Variants in RBFOX1 observed in about 807,000 individuals in gnomAD.
The protein encoded by RBFOX1 is RNA binding fox-1 homolog 1, also known as RNA binding protein fox-1 homolog 1.
A neutral mutation model predicts 57.7 loss-of-function variants in RBFOX1; 8 were observed. The ratio of observed to expected loss-of-function variants is 0.14; its 90% CI spans 0.08 to 0.25. RBFOX1 has a LOEUF of 0.25. RBFOX1 is among the 10% of genes least tolerant of loss of function. The pLI, the probability that RBFOX1 is intolerant of heterozygous loss-of-function variation, is 1.00. For missense variants in RBFOX1, 611 were observed against 548.5 expected (o/e 1.11, Z -1.14); for synonymous variants, 326 against 222.4 (o/e 1.47, Z -4.15).
intron 1 of RBFOX1, among the ~76,000 whole-genome samples, chr16:6,243,199 T>C (rs1455180734): frequency 1.3e-5 from 2 of 151,994 alleles, no homozygotes; most frequent in African/African-American, 2.4e-5. Context: ...AGAAAGCTTT[T>C]TCATTTGAAA....
At chr16:7,031,750 C>T (rs749249596) in intron 3 of RBFOX1, among the ~76,000 whole-genome samples, 9 of 152,178 alleles carry the variant, frequency 5.9e-5, no homozygotes, top group Non-Finnish European at 1.3e-4. Context: ...TGCCCTCAAA[C>T]AACATCCCGT....
intron 2 of RBFOX1, among the ~76,000 whole-genome samples, chr16:6,472,797 G>C (rs992213846): frequency 6.6e-6 from 1 of 151,406 alleles, no homozygotes. Context: ...TGTTTTTTTT[G>C]TGTTTTTAGT....
chr16:6,352,120 C>T (rs2086514951), intron 2 of RBFOX1, among the ~76,000 whole-genome samples: 2 of 152,070 alleles, frequency 1.3e-5, no homozygotes, highest in East Asian at 1.9e-4. Context: ...GAGGTTTCTC[C>T]AGTCACTTTA....
chr16:6,620,766 T>C (rs1166429425), intron 2 of RBFOX1, among the ~76,000 whole-genome samples: 3 of 152,124 alleles, frequency 2.0e-5, no homozygotes, highest in African/African-American at 4.8e-5. Context: ...AATGGATAAA[T>C]TCCTGGACGC....
At chr16:6,313,619 A>T (rs2080672802) in intron 1 of RBFOX1, among the ~76,000 whole-genome samples, 1 of 152,142 alleles carries the variant, frequency 6.6e-6, no homozygotes, top group Non-Finnish European at 1.5e-5. Flanking sequence ...AAGGTAGCTA[A>T]TGCATGAACT....
At chr16:5,319,287 G>T (rs1284885738) in intron 1 of RBFOX1, among the ~76,000 whole-genome samples, 1 of 152,188 alleles carries the variant, frequency 6.6e-6, no homozygotes, top group Non-Finnish European at 1.5e-5. Flanking sequence ...GCTGAGAGTG[G>T]TCCCTGGCTG....
At chr16:6,595,042 C>G (rs62015537) in intron 2 of RBFOX1, among the ~76,000 whole-genome samples, 46,001 of 152,160 alleles carry the variant, frequency 0.3, 8,490 homozygotes, top group Non-Finnish European at 0.41. Flanking sequence ...CCGCCTCTGC[C>G]TCCCAAAGTG....
chr16:5,484,152 C>G (rs1041384891), intron 2 of RBFOX1, among the ~76,000 whole-genome samples: 1 of 152,212 alleles, frequency 6.6e-6, no homozygotes, highest in East Asian at 1.9e-4. Flanking sequence ...GCCTGGGAAA[C>G]AGAGCAAGAT....
At chr16:6,253,534 A>T (rs561042540) in intron 1 of RBFOX1, among the ~76,000 whole-genome samples, 138 of 152,126 alleles carry the variant, frequency 9.1e-4, no homozygotes, top group Non-Finnish European at 1.5e-3. Flanking sequence ...TACATTTTGC[A>T]CTTTTATAAC....
intron 1 of RBFOX1, among the ~76,000 whole-genome samples, chr16:6,229,351 A>G (rs2097441078): frequency 6.6e-6 from 1 of 152,224 alleles, no homozygotes; most frequent in Non-Finnish European, 1.5e-5. Flanking sequence ...TGCAGAAACT[A>G]GATCTCTCCT....
intron 3 of RBFOX1, among the ~76,000 whole-genome samples, chr16:5,630,508 T>C (rs2048473410): frequency 6.6e-6 from 1 of 152,042 alleles, no homozygotes; most frequent in Non-Finnish European, 1.5e-5. Flanking sequence ...AGACATCAGA[T>C]GTGCCCCACC....
intron 4 of RBFOX1, among the ~76,000 whole-genome samples, chr16:7,346,155 A>T (rs185156944): frequency 6.6e-6 from 1 of 151,986 alleles, no homozygotes; most frequent in African/African-American, 2.4e-5. Flanking sequence ...AAGGACATGA[A>T]CTCATCCTTT....
chr16:6,068,224 G>A (rs1359700999), intron 1 of RBFOX1, among the ~76,000 whole-genome samples: 2 of 152,180 alleles, frequency 1.3e-5, no homozygotes, highest in Non-Finnish European at 2.9e-5. Flanking sequence ...TCCAGTGCAA[G>A]CTCCCTGGCA....
intron 3 of RBFOX1, among the ~76,000 whole-genome samples, chr16:6,951,637 A>C (rs1222562916): frequency 6.6e-6 from 1 of 152,150 alleles, no homozygotes; most frequent in Non-Finnish European, 1.5e-5. Flanking sequence ...CAGGGTAGTC[A>C]GCCTTCGTAA....
chr16:5,245,829 A>C (rs1289972769), intron 1 of RBFOX1, among the ~76,000 whole-genome samples: 2 of 152,380 alleles, frequency 1.3e-5, no homozygotes, highest in African/African-American at 4.8e-5. Flanking sequence ...AAATCCAATC[A>C]AATGTCAATT....
At chr16:6,900,151 G>A (rs891083963) in intron 3 of RBFOX1, among the ~76,000 whole-genome samples, 2 of 152,148 alleles carry the variant, frequency 1.3e-5, no homozygotes, top group East Asian at 3.8e-4. Context: ...GGTGGTGGTG[G>A]TGGTGGTATT....
chr16:5,453,683 C>T (rs1185394082), intron 1 of RBFOX1, among the ~76,000 whole-genome samples: 2 of 152,306 alleles, frequency 1.3e-5, no homozygotes, highest in Non-Finnish European at 2.9e-5. Flanking sequence ...CACAGCACCT[C>T]ATCAGGTACT....
At chr16:5,863,657 A>T (rs1191013030) in intron 3 of RBFOX1, among the ~76,000 whole-genome samples, 1 of 152,216 alleles carries the variant, frequency 6.6e-6, no homozygotes, top group Non-Finnish European at 1.5e-5. Context: ...AGGGTTCTAG[A>T]TACCTAGAGG....
At chr16:7,117,887 G>C (rs1400192435) in intron 4 of RBFOX1, among the ~76,000 whole-genome samples, 2 of 152,134 alleles carry the variant, frequency 1.3e-5, no homozygotes, top group Non-Finnish European at 2.9e-5. Flanking sequence ...CAGGATTCGT[G>C]GCTGCTTGCT....
Sources: allele counts gnomAD v4.1 joint callset (sites outside exome capture counted in the v4.1 genomes callset), GRCh38; gene constraint gnomAD v4.1.1; transcripts MANE v1.5; gene names NCBI Gene and HGNC (gene_info 2026-07-23, HGNC 2026-07-21).